The following VWA2 variants were observed in gnomAD, a reference collection of about 807,000 sequenced individuals.
VWA2 encodes the protein von Willebrand factor A domain containing 2, also known as von Willebrand factor A domain-containing protein 2.
In VWA2, 73 loss-of-function variants were observed where a neutral mutation model predicts 70.4. The ratio of observed to expected loss-of-function variants is 1.04; its 90% CI spans 0.86 to 1.26. The LOEUF (loss-of-function observed/expected upper bound fraction) is 1.26. Ranked by LOEUF, VWA2 falls within the 50% of genes most tolerant of loss-of-function variation. The pLI is 0.00. For missense variants in VWA2, 1,011 were observed against 998.5 expected, an observed-to-expected ratio of 1.01 and a Z score of -0.17; for synonymous variants, 407 against 423.3, an observed-to-expected ratio of 0.96 and a Z score of 0.47.
At chr10:114,250,458 C>G (rs980872685) in intron 2 of VWA2, among the ~76,000 whole-genome samples, 1 of 152,334 alleles carries the variant, frequency 6.6e-6, no homozygotes, top group Admixed American at 6.5e-5. Flanking sequence ...GGCGGCCAAG[C>G]TGTCACAGCC....
At chr10:114,274,480 T>G (rs539171470) in intron 6 of VWA2, among the ~76,000 whole-genome samples, 1 of 152,110 alleles carries the variant, frequency 6.6e-6, no homozygotes, top group East Asian at 1.9e-4. Context: ...ATGTTTGTTG[T>G]TTGTTGTTGT....
At position 114,288,987 on chromosome 10, in the gene VWA2, C is replaced by G; in HGVS notation, c.1620C>G (p.Ala540=). 1.2e-6 allele frequency: 2 copies of G among 1,614,064 alleles called. No homozygotes were observed. Among genetic ancestry groups the G allele is most frequent in the Non-Finnish European group, 1.7e-6 (2 of 1,179,998 alleles). ...LDLVFMLDTS[A]SVGPENFAQM... The stretch of plus-strand genomic sequence containing the variant: ...TCGTCTTCATGTTGGACACCTCTGC[C>G]TCAGTAGGGCCCGAGAATTTTGCTC... Residue 540 remains alanine, a synonymous_variant, in exon 12 of 14, where the codon GCC becomes GCG. Coordinates refer to ENST00000392982, the MANE Select transcript of VWA2 (RefSeq NM_001272046.2).
At position 114,253,758 on chromosome 10, in the gene VWA2, C is replaced by T. The variant is rs181029138; in HGVS notation, c.127+33C>T. 45 of 1,576,756 alleles carry T rather than the reference C, an allele frequency of 2.9e-5. No homozygotes were observed. The East Asian group carries it at 3.8e-4, about 13-fold the overall frequency. On this transcript the variant is annotated intron_variant, in intron 3 of 13. Coordinates refer to ENST00000392982, the MANE Select transcript of VWA2 (RefSeq NM_001272046.2). Reference sequence around the variant, plus strand: ...CAGGTTCTTCTTAACCCTCCAGATGCCCACTCAGACCTCTGTGTGATGGAC... The same window carrying T: ...CAGGTTCTTCTTAACCCTCCAGATGTCCACTCAGACCTCTGTGTGATGGAC...
chr10:114,282,564 C>T lies in VWA2; in HGVS notation c.882C>T (p.Thr294=). 1 of 1,613,992 alleles carries T rather than the reference C, an allele frequency of 6.2e-7. No individual in the cohort carries two copies. The highest frequency in any genetic ancestry group is 8.5e-7 in the Non-Finnish European group (1 of 1,179,874). ...LTHPATCYRT[T]CPGPCDSQPC... ...ACCCTGCCACCTGCTACAGGACCAC[C>T]TGCCCAGGTATGGTCTGTCTCTTGG... Residue 294 remains threonine, a synonymous_variant, in exon 9 of 14, where the codon ACC becomes ACT. Transcript: ENST00000392982.
rs776372711 is a variant in VWA2, at chr10:114,277,931, C to G, written c.584C>G (p.Ala195Gly). Residue 195 changes from alanine (A) to glycine (G), a missense_variant, in exon 7 of 14, where the codon GCA becomes GGA. By Grantham distance (60) the Ala-to-Gly change is moderately conservative. Transcript: ENST00000392982. The stretch of plus-strand genomic sequence containing the variant: ...TGGCACAGGTGGGAGGAGCTGCATG[C>G]ACTGGCCAGCGAGCCTAGAGGGCAG... ...VRFPRWEELHALASEPRGQHV... is the reference protein window; with the variant it reads ...VRFPRWEELHGLASEPRGQHV... 46 of 1,609,670 alleles carry G rather than the reference C, an allele frequency of 2.9e-5. No homozygotes were observed. The South Asian group carries it at 5.1e-4, about 18-fold the overall frequency.
chr10:114,291,313 T>C lies in VWA2; in HGVS notation c.*76T>C, dbSNP rs879122597. 6.8e-7 allele frequency: 1 copy of C among 1,468,340 alleles called. No homozygotes were observed. The highest frequency in any genetic ancestry group is 1.4e-5 in the African/African-American group (1 of 70,726). The allele number at this position is 1,468,340 out of a possible 1,614,324, so 91.0% of individuals were successfully genotyped here. On this transcript the variant is annotated 3_prime_UTR_variant, in exon 14 of 14. Transcript: ENST00000392982. ...TACAGAGAAGGCCTGGGCACTGAAATGGTGCCTACCTTCTGGAATGTCTGT... is the reference window on the plus strand; with the variant it reads ...TACAGAGAAGGCCTGGGCACTGAAACGGTGCCTACCTTCTGGAATGTCTGT...
intron 2 of VWA2, among the ~76,000 whole-genome samples, chr10:114,250,161 T>C (rs2037165891): frequency 6.6e-6 from 1 of 152,202 alleles, no homozygotes; most frequent in Non-Finnish European, 1.5e-5. Context: ...ATGAGTTTTG[T>C]GTGCATTTTA....
chr10:114,279,433 T>TG (rs1184422274), intron 8 of VWA2, among the ~76,000 whole-genome samples: 3 of 152,180 alleles, frequency 2.0e-5, no homozygotes, highest in South Asian at 2.1e-4. Flanking sequence ...TCTCCCTTTC[T>TG]GGGGGGCCGG....
chr10:114,254,970 C>A lies in VWA2; in HGVS notation c.183C>A (p.Ser61Arg). Reference sequence around the variant, plus strand: ...TGTTTCTGTTAGATGGGTCTAACAGCGTCGGGAAAGGGAGCTTTGAAAGGT... The same window carrying A: ...TGTTTCTGTTAGATGGGTCTAACAGAGTCGGGAAAGGGAGCTTTGAAAGGT... ...DIMFLLDGSN[S>R]VGKGSFERSK... Residue 61 changes from serine (S) to arginine (R), a missense_variant, in exon 4 of 14, where the codon AGC becomes AGA. Physicochemically the swap from Ser to Arg is moderately radical, Grantham distance 110. Transcript: ENST00000392982. The A allele has an allele frequency of 4.3e-6, 7 of 1,613,350 alleles. No individual in the cohort carries two copies. Among genetic ancestry groups the A allele is most frequent in the Non-Finnish European group, 5.9e-6 (7 of 1,179,948 alleles).
chr10:114,257,472 G>A (rs1044147703), intron 4 of VWA2, among the ~76,000 whole-genome samples: 1 of 152,186 alleles, frequency 6.6e-6, no homozygotes, highest in Non-Finnish European at 1.5e-5. Flanking sequence ...AGGGTCCTAT[G>A]GATTATTAAT....
chr10:114,252,035 G>C (rs1256762299), intron 2 of VWA2, among the ~76,000 whole-genome samples: 1 of 152,078 alleles, frequency 6.6e-6, no homozygotes, highest in African/African-American at 2.4e-5. Context: ...TTGAACCCCT[G>C]ACCTCAGGTG....
intron 10 of VWA2, 70 bp from the exon 11 acceptor site, chr10:114,285,869 A>T (rs2038807519): frequency 6.9e-7 from 1 of 1,448,880 alleles, no homozygotes; most frequent in African/African-American, 1.4e-5. Flanking sequence ...GATGTTCGGC[A>T]TCTCGGGTGG....
intron 5 of VWA2, among the ~76,000 whole-genome samples, chr10:114,269,557 G>A (rs1355403885): frequency 6.6e-6 from 1 of 152,136 alleles, no homozygotes; most frequent in African/African-American, 2.4e-5. Flanking sequence ...CTCCAGCCTG[G>A]GTGACAGAGT....
Position 114,272,881 on chromosome 10 carries a change from G to A in VWA2, c.513G>A (p.Lys171=). 2.5e-6 allele frequency: 4 copies of A among 1,613,840 alleles called. No homozygotes were observed. The highest frequency in any genetic ancestry group is 3.4e-6 in the Non-Finnish European group (4 of 1,179,882). The stretch of plus-strand genomic sequence containing the variant: ...AGGGGGATGTGGCACTGCCATCCAA[G>A]CAGCTGAAGGAAAGGGGTGTCACTG... ...KSQGDVALPS[K]QLKERGVTVF... The change falls in exon 6 of 14, where the codon AAG becomes AAA. Residue 171 remains lysine, a synonymous_variant. Transcript: ENST00000392982.
intron 1 of VWA2, chr10:114,246,211 A>C: frequency 9.2e-7 from 1 of 1,087,836 alleles, no homozygotes. Context: ...AAAGAATATC[A>C]CGGGTTGGGC....
Position 114,261,078 on chromosome 10 carries a change from T to C in VWA2, c.262-108T>C, listed in dbSNP as rs1186363032. On this transcript the variant is annotated intron_variant, in intron 4 of 13. Coordinates refer to ENST00000392982, the MANE Select transcript of VWA2 (RefSeq NM_001272046.2). The stretch of plus-strand genomic sequence containing the variant: ...GAGAAAGCTCTGGCACTGGTGTTTG[T>C]TGAGTGGATGGGAGGCAGGGTTGTT... 36 of 732,830 alleles carry C rather than the reference T, an allele frequency of 4.9e-5. No homozygotes were observed. The South Asian group carries it at 5.4e-4, about 11-fold the overall frequency. The allele number at this position is 732,830 out of a possible 1,614,324, so 45.4% of individuals were successfully genotyped here.
intron 5 of VWA2, among the ~76,000 whole-genome samples, chr10:114,271,946 G>A (rs181219973): frequency 4.3e-4 from 65 of 152,318 alleles, no homozygotes; most frequent in Non-Finnish European, 1.3e-4. Context: ...TCACAATTCC[G>A]TAACCTAAAA....
Position 114,272,896 on chromosome 10 carries a change from G to T in VWA2, c.528G>T (p.Arg176Ser). The T allele has an allele frequency of 6.2e-7, 1 of 1,613,580 alleles. No homozygotes were observed. Among genetic ancestry groups the T allele is most frequent in the Non-Finnish European group, 8.5e-7 (1 of 1,179,732 alleles). ...VALPSKQLKERGVTVFAVGVR... is the reference protein window; with the variant it reads ...VALPSKQLKESGVTVFAVGVR... ...TGCCATCCAAGCAGCTGAAGGAAAGGGGTGTCACTGTGTTTGCTGTGGGGG... is the reference window on the plus strand; with the variant it reads ...TGCCATCCAAGCAGCTGAAGGAAAGTGGTGTCACTGTGTTTGCTGTGGGGG... The change falls in exon 6 of 14, where the codon AGG (arginine) becomes AGT (serine). Residue 176 changes from arginine (R) to serine (S), a missense_variant. Transcript: ENST00000392982.
chr10:114,289,472 T>C lies in VWA2; in HGVS notation c.2105T>C (p.Ile702Thr), dbSNP rs1312972427. 2.6e-5 allele frequency: 42 copies of C among 1,614,060 alleles called. No homozygotes were observed. The highest frequency in any genetic ancestry group is 3.4e-5 in the Non-Finnish European group (40 of 1,180,030). The change falls in exon 12 of 14, where the codon ATT (isoleucine) becomes ACT (threonine). Residue 702 changes from isoleucine (I) to threonine (T), a missense_variant. Ile to Thr is a moderately conservative substitution (Grantham distance 89). Transcript: ENST00000392982. ...ADLRYHQDVL[I>T]EWLCGEAKQP... ...CTGCGGTACCACCAGGACGTGCTCATTGAGTGGCTGTGTGGAGGTGAGTGG... is the reference window on the plus strand; with the variant it reads ...CTGCGGTACCACCAGGACGTGCTCACTGAGTGGCTGTGTGGAGGTGAGTGG...
Sources: gnomAD v4.1 joint callset for allele counts (sites outside exome capture counted in the v4.1 genomes callset) on GRCh38, gnomAD v4.1.1 for gene constraint, MANE v1.5 for transcripts, NCBI Gene and HGNC (gene_info 2026-07-23, HGNC 2026-07-21) for gene names.